The following SLC43A2 variants were observed in gnomAD, a reference collection of about 807,000 sequenced individuals.
SLC43A2 encodes the protein solute carrier family 43 member 2.
In SLC43A2, 38 loss-of-function variants were observed where a neutral mutation model predicts 63.2. The observed-to-expected ratio is 0.60, with a 90% confidence interval of 0.46 to 0.79. The LOEUF is 0.79. Among genes scored for constraint, SLC43A2 ranks in the 30% least tolerant of loss-of-function variants. The pLI, the probability that SLC43A2 is intolerant of heterozygous loss-of-function variation, is 0.00. For synonymous variants in SLC43A2, 322 were observed against 331.0 expected (o/e 0.97, Z 0.30); for missense variants, 644 against 756.2 (o/e 0.85, Z 1.74).
In SLC43A2 at chr17:1,605,400, G is replaced by A. The variant is rs562866879; in HGVS notation, c.501+7795C>T. The A allele has an allele frequency of 1.0e-4, 21 of 210,482 alleles. No individual in the cohort carries two copies. The South Asian group carries it at 2.4e-3, about 24-fold the overall frequency. The allele number at this position is 210,482 out of a possible 1,614,324, so 13.0% of individuals were successfully genotyped here. On this transcript the variant is annotated intron_variant, in intron 5 of 13. Coordinates refer to ENST00000301335, the MANE Select transcript of SLC43A2 (RefSeq NM_152346.3). This position sits in a 1 kb window ranked among gnomAD's most constrained non-coding sequence, Gnocchi z 4.9. Reference sequence around the variant, plus strand: ...GCCAAGGCCCTGGGACAGTGCGGGCGCGGGAGCTTCTCTAAGATGCCGGAC... The same window carrying A: ...GCCAAGGCCCTGGGACAGTGCGGGCACGGGAGCTTCTCTAAGATGCCGGAC...
At chr17:1,588,271 A>G (rs1361135678) in intron 9 of SLC43A2, among the ~76,000 whole-genome samples, 2 of 152,190 alleles carry the variant, frequency 1.3e-5, no homozygotes, top group Non-Finnish European at 2.9e-5. Flanking sequence ...CTGTAACCCC[A>G]GCTACTTGGG....
intron 5 of SLC43A2, among the ~76,000 whole-genome samples, chr17:1,599,468 G>A (rs1905684622): frequency 6.6e-6 from 1 of 152,122 alleles, no homozygotes; most frequent in Admixed American, 6.5e-5. Flanking sequence ...AGGAGGCTGA[G>A]GCAGGTGGAT....
In SLC43A2 at chr17:1,573,174, C is replaced by A. The variant is rs890798846; in HGVS notation, c.*2430G>T. 1 of 52,168 alleles carries A rather than the reference C, an allele frequency of 1.9e-5. No homozygotes were observed. Among genetic ancestry groups the A allele is most frequent in the Non-Finnish European group, 3.5e-5 (1 of 28,850 alleles). The allele number at this position is 52,168 out of a possible 1,614,324, so 3.2% of individuals were successfully genotyped here. Reference sequence around the variant, plus strand: ...CCTGGATGGCAGAGCAAGACCCCAACTCAAAAAAAAAAAAAAAAAAAAAAA... The same window carrying A: ...CCTGGATGGCAGAGCAAGACCCCAAATCAAAAAAAAAAAAAAAAAAAAAAA... On this transcript the variant is annotated 3_prime_UTR_variant, in exon 14 of 14. Transcript: ENST00000301335.
At position 1,591,274 on chromosome 17, in the gene SLC43A2, G is replaced by A. The variant is rs146131991; in HGVS notation, c.926C>T (p.Ala309Val). The change falls in exon 8 of 14, where the codon GCC (alanine) becomes GTC (valine). Residue 309 changes from alanine to valine, a missense_variant. Ala to Val is a moderately conservative substitution (Grantham distance 64). This residue lies in a region of SLC43A2 where 528 missense variants were observed against 623.6 expected (regional missense o/e 0.85). Transcript: ENST00000301335. ...VDLEVKCQPD[A>V]AVAPSFMHSV... ...CTGCGGTCTCAGGCGGGTACCTGCGGCATCCGGCTGGCACTTCACCTCCAG... is the reference window on the plus strand; with the variant it reads ...CTGCGGTCTCAGGCGGGTACCTGCGACATCCGGCTGGCACTTCACCTCCAG... 184 of 1,603,646 alleles carry A rather than the reference G, an allele frequency of 1.1e-4. No homozygotes were observed. The African/African-American group carries it at 2.0e-3, about 18-fold the overall frequency.
intron 5 of SLC43A2, among the ~76,000 whole-genome samples, chr17:1,610,177 CA>C (rs1333987937): frequency 7.9e-5 from 12 of 152,032 alleles, no homozygotes; most frequent in Non-Finnish European, 4.4e-5. Context: ...CTCAGCCTCC[CA>C]AAGTGCTGGG....
At chr17:1,588,018 T>C (rs2151040465) in intron 9 of SLC43A2, among the ~76,000 whole-genome samples, 1 of 152,110 alleles carries the variant, frequency 6.6e-6, no homozygotes, top group East Asian at 1.9e-4. Flanking sequence ...ACCCTGAGGG[T>C]GGGTGGGAGA....
intron 2 of SLC43A2, among the ~76,000 whole-genome samples, chr17:1,621,907 G>T (rs1478234945): frequency 1.3e-5 from 2 of 152,234 alleles, no homozygotes; most frequent in Non-Finnish European, 2.9e-5. Flanking sequence ...CCGGGAAAAG[G>T]CTGCCCATGT....
intron 12 of SLC43A2, 139 bp from the exon 13 acceptor site, chr17:1,576,859 TTC>T (rs1876231660): frequency 3.1e-6 from 3 of 953,378 alleles, no homozygotes; most frequent in Admixed American, 3.4e-5. Flanking sequence ...TGCTGGGCAG[TTC>T]TGTTTTTTTT....
At chr17:1,604,812 T>C (rs1239551086) in intron 5 of SLC43A2, 2 of 1,535,784 alleles carry the variant, frequency 1.3e-6, no homozygotes, top group Non-Finnish European at 8.7e-7. Flanking sequence ...CATTTGCCTG[T>C]GGACTCCCGT....
At chr17:1,616,865 G>A in intron 2 of SLC43A2, 96 bp from the exon 3 acceptor site, 1 of 1,407,550 alleles carries the variant, frequency 7.1e-7, no homozygotes, top group Non-Finnish European at 9.7e-7. Context: ...CCCCCACTGG[G>A]AATGCCAGGG....
intron 4 of SLC43A2, among the ~76,000 whole-genome samples, chr17:1,613,637 A>G (rs1907328277): frequency 6.6e-6 from 1 of 152,004 alleles, no homozygotes; most frequent in African/African-American, 2.4e-5. Flanking sequence ...ATGTCTTGCC[A>G]TGTTGGCCAG....
chr17:1,584,183 G>A (rs532185317), intron 10 of SLC43A2, among the ~76,000 whole-genome samples: 16 of 151,998 alleles, frequency 1.1e-4, no homozygotes, highest in South Asian at 2.1e-4. Flanking sequence ...GTGAGCCACC[G>A]CGCCCGGCCA....
intron 2 of SLC43A2, among the ~76,000 whole-genome samples, chr17:1,625,409 A>C (rs1329426034): frequency 6.6e-6 from 1 of 152,248 alleles, no homozygotes; most frequent in Non-Finnish European, 1.5e-5. Context: ...CTAGAGTGAC[A>C]CGAAGCTGAC....
At chr17:1,588,684 C>A (rs1428061918) in intron 9 of SLC43A2, among the ~76,000 whole-genome samples, 3 of 113,042 alleles carry the variant, frequency 2.7e-5, no homozygotes, top group Non-Finnish European at 3.4e-5. Flanking sequence ...GGTGGCAGAG[C>A]AAGACCCCAA....
rs569692115 is a variant in SLC43A2, at chr17:1,602,382, A to G, written c.502-9103T>C. Among the ~76,000 whole-genome samples, 21 of 152,284 alleles carry G rather than the reference A, an allele frequency of 1.4e-4. No individual in the cohort carries two copies. In the South Asian group the frequency reaches 4.3e-3, roughly 32 times the overall value. Reference sequence around the variant, plus strand: ...ATTCACAGGCCGGGCACGGTGGCTCACACCTGTAATCCCAGCACTTTCAGA... The same window carrying G: ...ATTCACAGGCCGGGCACGGTGGCTCGCACCTGTAATCCCAGCACTTTCAGA... On this transcript the variant is annotated intron_variant, in intron 5 of 13. Transcript: ENST00000301335.
In SLC43A2 at chr17:1,627,380, T is replaced by C. The variant is rs570764239; in HGVS notation, c.160+335A>G. Among the ~76,000 whole-genome samples, 3 of 152,288 alleles carry C rather than the reference T, an allele frequency of 2.0e-5. No homozygotes were observed. The South Asian group carries it at 6.2e-4, about 32-fold the overall frequency. The stretch of plus-strand genomic sequence containing the variant: ...AACATGTTTACTACCAGCCAAGCTA[T>C]GTTCCAGGGCTGGGAGGAGAGGAGA... On this transcript the variant is annotated intron_variant, in intron 2 of 13. Coordinates refer to ENST00000301335, the MANE Select transcript of SLC43A2 (RefSeq NM_152346.3).
intron 10 of SLC43A2, 38 bp downstream of exon 10, chr17:1,585,875 G>A: frequency 6.2e-7 from 1 of 1,612,886 alleles, no homozygotes; most frequent in Non-Finnish European, 8.5e-7. Flanking sequence ...TGCAGGGGCT[G>A]CGGGCTGGGA....
chr17:1,607,858 G>A (rs1408229378), intron 5 of SLC43A2, among the ~76,000 whole-genome samples: 1 of 152,104 alleles, frequency 6.6e-6, no homozygotes, highest in African/African-American at 2.4e-5. Flanking sequence ...GGGGACTACA[G>A]GCGCCCACCA....
rs550300747 is a variant in SLC43A2 at position 1,624,571 on chromosome 17, G to T, written c.160+3144C>A. 1.6e-4 allele frequency among the ~76,000 whole-genome samples: 24 copies of T among 152,210 alleles called. 1 individual carries two copies. In the South Asian group the frequency reaches 4.6e-3, roughly 29 times the overall value. ...ATACAAAAATTAGCCGGGCGTGGTG[G>T]TGGGCACCTGTAATCCCAAAAACAA... is the stretch of plus-strand genomic sequence containing the variant. On this transcript the variant is annotated intron_variant, in intron 2 of 13. Coordinates refer to ENST00000301335, the MANE Select transcript of SLC43A2 (RefSeq NM_152346.3).
Sources: allele counts gnomAD v4.1 joint callset (sites outside exome capture counted in the v4.1 genomes callset), GRCh38; gene constraint gnomAD v4.1.1; regional missense constraint gnomAD v4.1.1; non-coding constraint Gnocchi (gnomAD v3.1); transcripts MANE v1.5; gene names NCBI Gene and HGNC (gene_info 2026-07-23, HGNC 2026-07-21).